Variants in IFT81 observed in about 807,000 individuals in gnomAD.
The protein encoded by IFT81 is intraflagellar transport 81.
In IFT81, 72 loss-of-function variants were observed where a neutral mutation model predicts 102.6. The ratio of observed to expected loss-of-function variants is 0.70; its 90% CI spans 0.58 to 0.85. The LOEUF is 0.85. Among genes scored for constraint, IFT81 ranks in the 40% least tolerant of loss-of-function variants. The pLI, the probability that IFT81 is intolerant of heterozygous loss-of-function variation, is 0.00. For synonymous variants in IFT81, 237 were observed against 242.7 expected, an observed-to-expected ratio of 0.98 and a Z score of 0.22; for missense variants, 723 against 787.3, an observed-to-expected ratio of 0.92 and a Z score of 0.98.
At chr12:110,210,767 A>G (rs1382401087) in intron 18 of IFT81, among the ~76,000 whole-genome samples, 1 of 152,064 alleles carries the variant, frequency 6.6e-6, no homozygotes, top group Non-Finnish European at 1.5e-5. Context: ...ATACCAAAAT[A>G]TCATGCCAAA....
intron 1 of IFT81, among the ~76,000 whole-genome samples, chr12:110,126,710 G>A (rs1893864884): frequency 6.6e-6 from 1 of 152,180 alleles, no homozygotes; most frequent in Non-Finnish European, 1.5e-5. Context: ...CAGATGATTT[G>A]GAATGGGGAG....
chr12:110,185,120 T>A (rs1344665798), intron 12 of IFT81, among the ~76,000 whole-genome samples: 3 of 152,208 alleles, frequency 2.0e-5, no homozygotes, highest in African/African-American at 7.2e-5. Flanking sequence ...CAGTGAGTGA[T>A]TGCACTCTAG....
At chr12:110,147,084 G>A (rs1895270044) in intron 10 of IFT81, 36 bp downstream of exon 10, 2 of 1,514,736 alleles carry the variant, frequency 1.3e-6, no homozygotes, top group Admixed American at 2.0e-5. Context: ...ATTTAGATCT[G>A]TAAGCATATT....
chr12:110,192,519 C>T, intron 13 of IFT81, 98 bp from the exon 14 acceptor site: 2 of 638,732 alleles, frequency 3.1e-6, no homozygotes, highest in Non-Finnish European at 5.5e-6. Flanking sequence ...CAGTTTTTTG[C>T]TCTTACATTT....
intron 14 of IFT81, among the ~76,000 whole-genome samples, chr12:110,196,914 G>A (rs1470451695): frequency 6.6e-6 from 1 of 151,880 alleles, no homozygotes; most frequent in African/African-American, 2.4e-5. Flanking sequence ...TAAATAGCAT[G>A]TAGGGCCAGG....
At chr12:110,153,998 T>C (rs1277076472) in intron 10 of IFT81, among the ~76,000 whole-genome samples, 1 of 151,970 alleles carries the variant, frequency 6.6e-6, no homozygotes, top group Admixed American at 6.5e-5. Context: ...GGGATATTTT[T>C]TTTTAGACAA....
chr12:110,184,185 C>T (rs1211498402), intron 12 of IFT81, among the ~76,000 whole-genome samples: 1 of 151,980 alleles, frequency 6.6e-6, no homozygotes, highest in Non-Finnish European at 1.5e-5. Flanking sequence ...CCTGTATTTA[C>T]TAAAAATGCA....
intron 4 of IFT81, among the ~76,000 whole-genome samples, chr12:110,129,534 C>T (rs1894042679): frequency 6.6e-6 from 1 of 152,124 alleles, no homozygotes; most frequent in African/African-American, 2.4e-5. Flanking sequence ...TAAATTGACA[C>T]TATCCCAGGC....
At chr12:110,129,153 A>G in intron 4 of IFT81, 23 bp downstream of exon 4, 1 of 1,512,920 alleles carries the variant, frequency 6.6e-7, no homozygotes, top group African/African-American at 1.4e-5. Context: ...TAAATGGTAC[A>G]TTGAAACTGT....
intron 10 of IFT81, among the ~76,000 whole-genome samples, chr12:110,159,340 G>T (rs1362726402): frequency 6.6e-6 from 1 of 152,020 alleles, no homozygotes; most frequent in Non-Finnish European, 1.5e-5. Context: ...TGTACCTGTG[G>T]TCTCAGCTAC....
At chr12:110,189,096 T>C (rs1375861838) in intron 12 of IFT81, among the ~76,000 whole-genome samples, 3 of 152,154 alleles carry the variant, frequency 2.0e-5, no homozygotes, top group East Asian at 1.9e-4. Context: ...CACTACACTT[T>C]CCTGGTTTTT....
rs751293268 is a variant in IFT81 at position 110,180,580 on chromosome 12, GT to G, written c.1338+10del. The G allele has an allele frequency of 6.3e-7, 1 of 1,587,360 alleles. No homozygotes were observed. The highest frequency in any genetic ancestry group is 8.6e-7 in the Non-Finnish European group (1 of 1,161,460). On this transcript the variant is annotated intron_variant, in intron 12 of 18. Coordinates refer to ENST00000242591, the MANE Select transcript of IFT81 (RefSeq NM_014055.4). ...ATATTCAACAACAACTGGTAATACA[GT>G]ATTATCTTGGGCTACTATAAATACA...
chr12:110,216,406 G>A, intron 18 of IFT81: 1 of 418,874 alleles, frequency 2.4e-6, no homozygotes, highest in South Asian at 1.7e-5. Flanking sequence ...TGTTACCCAG[G>A]CAGGCCTTGA....
intron 12 of IFT81, among the ~76,000 whole-genome samples, chr12:110,184,930 A>G (rs1266890767): frequency 2.0e-5 from 3 of 152,202 alleles, no homozygotes; most frequent in African/African-American, 7.2e-5. Context: ...TGTTCCTCTC[A>G]GCCAACTCTC....
At chr12:110,213,623 A>G (rs940860175) in intron 18 of IFT81, among the ~76,000 whole-genome samples, 4 of 152,198 alleles carry the variant, frequency 2.6e-5, no homozygotes, top group Admixed American at 1.3e-4. Context: ...TTCTGTAAAG[A>G]GCAACTTCTC....
At chr12:110,209,255 G>C in intron 18 of IFT81, 39 bp downstream of exon 18, 1 of 1,083,236 alleles carries the variant, frequency 9.2e-7, no homozygotes, top group Non-Finnish European at 1.4e-6. Context: ...GTGTCTAACT[G>C]ATTCAGGCTT....
In IFT81 at chr12:110,218,319, C is replaced by A; in HGVS notation, c.*93C>A. ...TCTTTTTTGAAACTGATTTGTATAGCATTTTGTTTTCAGAAGAGCCATTCT... is the reference window on the plus strand; with the variant it reads ...TCTTTTTTGAAACTGATTTGTATAGAATTTTGTTTTCAGAAGAGCCATTCT... On this transcript the variant is annotated 3_prime_UTR_variant, in exon 19 of 19. Coordinates refer to ENST00000242591, the MANE Select transcript of IFT81 (RefSeq NM_014055.4). The A allele has an allele frequency of 2.1e-6, 2 of 943,086 alleles. No individual in the cohort carries two copies. The highest frequency in any genetic ancestry group is 1.5e-6 in the Non-Finnish European group (1 of 668,594). 58.4% of individuals were successfully genotyped at this position (943,086 alleles called of 1,614,324 possible).
intron 12 of IFT81, among the ~76,000 whole-genome samples, chr12:110,182,317 G>A (rs1897338639): frequency 6.6e-6 from 1 of 152,180 alleles, no homozygotes; most frequent in Non-Finnish European, 1.5e-5. Flanking sequence ...AGAAAGATTA[G>A]TGGGACAAAT....
chr12:110,214,890 GC>G (rs1411764326), intron 18 of IFT81, among the ~76,000 whole-genome samples: 1 of 152,056 alleles, frequency 6.6e-6, no homozygotes, highest in East Asian at 1.9e-4. Context: ...TGCCTTAATG[GC>G]CTTTCTAAAT....
Sources: allele counts gnomAD v4.1 joint callset (sites outside exome capture counted in the v4.1 genomes callset), GRCh38; gene constraint gnomAD v4.1.1; transcripts MANE v1.5; gene names NCBI Gene and HGNC (gene_info 2026-07-23, HGNC 2026-07-21).